Variants in GAPVD1 observed in about 807,000 individuals in gnomAD.
GAPVD1 encodes GTPase-activating protein and VPS9 domain-containing protein 1.
A neutral mutation model predicts 155.5 loss-of-function variants in GAPVD1; 35 were observed. The observed-to-expected ratio is 0.23, with a 90% confidence interval of 0.17 to 0.30. GAPVD1 has a LOEUF of 0.30. GAPVD1 is among the 10% of genes least tolerant of loss of function. The probability of loss-of-function intolerance (pLI) is 1.00; values close to 1 mark genes in which losing one functional copy is unlikely to be tolerated. For synonymous variants in GAPVD1, 636 were observed against 619.7 expected, an observed-to-expected ratio of 1.03 and a Z score of -0.39; for missense variants, 1,429 against 1,775.7, an observed-to-expected ratio of 0.80 and a Z score of 3.51.
At chr9:125,322,138 C>T (rs1335933311) in intron 10 of GAPVD1, among the ~76,000 whole-genome samples, 2 of 151,994 alleles carry the variant, frequency 1.3e-5, no homozygotes. Flanking sequence ...AATCTCGGCT[C>T]ACTGCAAGCT....
At chr9:125,351,382 A>C (rs1402614133) in intron 23 of GAPVD1, among the ~76,000 whole-genome samples, 6 of 152,214 alleles carry the variant, frequency 3.9e-5, no homozygotes, top group African/African-American at 1.4e-4. Flanking sequence ...TCATGTTCTC[A>C]CATTTCAAAA....
chr9:125,359,316 T>A, intron 25 of GAPVD1, 104 bp from the exon 26 acceptor site: 1 of 748,112 alleles, frequency 1.3e-6, no homozygotes. Context: ...GTAATCCATA[T>A]CTAGTCAACA....
At chr9:125,293,823 A>G (rs1301115747) in intron 2 of GAPVD1, among the ~76,000 whole-genome samples, 7 of 121,960 alleles carry the variant, frequency 5.7e-5, no homozygotes, top group Non-Finnish European at 1.1e-4. Flanking sequence ...TATATGAAAT[A>G]TAAAAAAATA....
At chr9:125,339,450 T>G (rs554583462) in intron 17 of GAPVD1, among the ~76,000 whole-genome samples, 19 of 152,346 alleles carry the variant, frequency 1.2e-4, no homozygotes, top group Admixed American at 1.0e-3. Context: ...GCAAAAGATG[T>G]TATAGGCGGA....
chr9:125,301,789 T>C (rs1310514514), intron 4 of GAPVD1, among the ~76,000 whole-genome samples, 194 bp from the exon 5 acceptor site: 2 of 152,114 alleles, frequency 1.3e-5, no homozygotes, highest in Admixed American at 6.6e-5. Flanking sequence ...AAGAGGAAAT[T>C]GTCCTTTGTA....
chr9:125,312,386 A>G, intron 8 of GAPVD1, 66 bp from the exon 9 acceptor site: 2 of 1,004,900 alleles, frequency 2.0e-6, no homozygotes, highest in Non-Finnish European at 2.9e-6. Flanking sequence ...ATATATTCAT[A>G]TTTAGCATAC....
chr9:125,332,116 C>G (rs1846180414), intron 14 of GAPVD1, 56 bp downstream of exon 14: 1 of 1,493,902 alleles, frequency 6.7e-7, no homozygotes, highest in East Asian at 2.3e-5. Flanking sequence ...CCCCTACCCC[C>G]TCCTATTTAT....
chr9:125,270,280 T>G (rs946860423), intron 2 of GAPVD1, among the ~76,000 whole-genome samples: 1 of 151,466 alleles, frequency 6.6e-6, no homozygotes, highest in African/African-American at 2.4e-5. Context: ...AATACAAAAA[T>G]TAGCTGGGTG....
intron 2 of GAPVD1, among the ~76,000 whole-genome samples, chr9:125,293,435 G>A (rs958622089): frequency 6.7e-6 from 1 of 149,116 alleles, no homozygotes; most frequent in Non-Finnish European, 1.5e-5. Context: ...AATAATTGCT[G>A]AATTAAAGTA....
intron 9 of GAPVD1, among the ~76,000 whole-genome samples, chr9:125,316,747 A>G (rs1222989957): frequency 2.6e-5 from 4 of 152,190 alleles, no homozygotes; most frequent in Non-Finnish European, 5.9e-5. Context: ...TCCTTTGGGT[A>G]TATACACCCA....
At chr9:125,349,186 C>T (rs191608540) in intron 20 of GAPVD1, among the ~76,000 whole-genome samples, 12 of 152,338 alleles carry the variant, frequency 7.9e-5, no homozygotes, top group Middle Eastern at 3.4e-3. Context: ...ACTCTCTTCT[C>T]AGCAACTAGT....
At chr9:125,265,725 A>G (rs1440051181) in intron 1 of GAPVD1, among the ~76,000 whole-genome samples, 1 of 144,700 alleles carries the variant, frequency 6.9e-6, no homozygotes. Flanking sequence ...AAAAAATTTC[A>G]TGTCTGACGA....
Position 125,362,811 on chromosome 9 carries a change from A to G in GAPVD1, c.*65A>G, listed in dbSNP as rs1851129174. ...GACAAACAGATCTCTGAGAAGGTGC[A>G]TCAGCTGCTTTGAAGGCTGAAGATT... On this transcript the variant is annotated 3_prime_UTR_variant, in exon 28 of 28. Transcript: ENST00000297933. The G allele has an allele frequency of 2.0e-6, 3 of 1,473,666 alleles. No individual in the cohort carries two copies. Among genetic ancestry groups the G allele is most frequent in the Non-Finnish European group, 2.8e-6 (3 of 1,070,134 alleles). The allele number at this position is 1,473,666 out of a possible 1,614,324, so 91.3% of individuals were successfully genotyped here. A position where few individuals can be genotyped will look rare whatever the true frequency, so the allele number is the denominator to read the frequency against.
chr9:125,275,210 GGATTACAGGCGCCTGCCACCATGCCC>G (rs1422117255), intron 2 of GAPVD1, among the ~76,000 whole-genome samples: 4 of 151,980 alleles, frequency 2.6e-5, no homozygotes, highest in Admixed American at 2.6e-4. Flanking sequence ...CAAGTACCTT[GGATTACAGGCGCCTGCCACCATGCCC>G]GGATAATTTT....
intron 2 of GAPVD1, among the ~76,000 whole-genome samples, chr9:125,269,417 T>A (rs372100113): frequency 6.6e-6 from 1 of 152,138 alleles, no homozygotes; most frequent in Non-Finnish European, 1.5e-5. Context: ...TTGAACTACC[T>A]AAACTTGTGC....
Position 125,307,499 on chromosome 9 carries a change from A to G in GAPVD1, c.1203A>G (p.Gly401=), listed in dbSNP as rs747728200. ...TGTCTTCCGTCAATCTTCTGGAAGG[A>G]TTGAGCAGAACTGTGGTTTATATAA... ...PPLSSVNLLE[G]LSRTVVYITY... Residue 401 remains glycine (G), a synonymous_variant, in exon 7 of 28, where the codon GGA becomes GGG. Transcript: ENST00000297933. The G allele has an allele frequency of 1.2e-6, 2 of 1,611,558 alleles. No homozygotes were observed. Among genetic ancestry groups the G allele is most frequent in the Non-Finnish European group, 1.7e-6 (2 of 1,177,718 alleles).
At position 125,302,706 on chromosome 9, in the gene GAPVD1, G is replaced by A. The variant is rs1841095453; in HGVS notation, c.909G>A (p.Arg303=). 6.2e-7 allele frequency: 1 copy of A among 1,610,222 alleles called. No individual in the cohort carries two copies. The highest frequency in any genetic ancestry group is 8.5e-7 in the Non-Finnish European group (1 of 1,178,470). Reference sequence around the variant, plus strand: ...ATAGGCTGGAAGTTGGGGAGGTCAGGGCAATGTGTACTGATCTCCTGTTGG... The same window carrying A: ...ATAGGCTGGAAGTTGGGGAGGTCAGAGCAATGTGTACTGATCTCCTGTTGG... ...CVDRLEVGEV[R]AMCTDLLLAC... is the part of the protein sequence containing the mutation. The change falls in exon 5 of 28, where the codon AGG becomes AGA. Residue 303 remains arginine (R), a synonymous_variant. Coordinates refer to ENST00000297933, the MANE Select transcript of GAPVD1 (RefSeq NM_001282680.3).
intron 4 of GAPVD1, among the ~76,000 whole-genome samples, chr9:125,300,033 A>T (rs1363963065): frequency 5.5e-5 from 1 of 18,200 alleles, no homozygotes; most frequent in African/African-American, 1.9e-4. Flanking sequence ...GAAAAAAAAA[A>T]AAAAAATATA....
intron 15 of GAPVD1, among the ~76,000 whole-genome samples, chr9:125,335,527 AT>A (rs1846785048): frequency 6.6e-6 from 1 of 152,142 alleles, no homozygotes; most frequent in African/African-American, 2.4e-5. Context: ...AATACAAAAA[AT>A]TAGCTGGGTG....
Sources: gnomAD v4.1 joint callset for allele counts (sites outside exome capture counted in the v4.1 genomes callset) on GRCh38, gnomAD v4.1.1 for gene constraint, MANE v1.5 for transcripts, NCBI Gene and HGNC (gene_info 2026-07-23, HGNC 2026-07-21) for gene names.